The following SPMAP2 variants were observed in gnomAD, a reference collection of about 807,000 sequenced individuals.
SPMAP2 encodes the protein Theg homolog.
chr19:362,258 C>A, the SPMAP2 span: 1 of 1,584,382 alleles, frequency 6.3e-7, no homozygotes. Flanking sequence ...GGGTGGCAAG[C>A]TCATAGAGGC....
At chr19:375,775 G>C in the SPMAP2 span, 11 of 1,610,180 alleles carry the variant, frequency 6.8e-6, no homozygotes, top group Non-Finnish European at 9.3e-6. Context: ...ACCTCCTCGG[G>C]GGGAAGCTCC....
chr19:365,279 C>A, the SPMAP2 span, among the ~76,000 whole-genome samples: 2 of 152,250 alleles, frequency 1.3e-5, no homozygotes, highest in Admixed American at 1.3e-4. Context: ...CTCTGCCCGG[C>A]AGATGCCCTT....
chr19:366,970 G>A, the SPMAP2 span: 1 of 1,336,614 alleles, frequency 7.5e-7, no homozygotes, highest in Non-Finnish European at 1.0e-6. Context: ...TCATGGGGGA[G>A]AGCTTCCCTC....
At chr19:372,517 G>T in the SPMAP2 span, 1 of 1,048,604 alleles carries the variant, frequency 9.5e-7, no homozygotes, top group Non-Finnish European at 1.4e-6. Context: ...CTGAACACCA[G>T]CTGTCTAGGG....
chr19:375,010 T>C, the SPMAP2 span, among the ~76,000 whole-genome samples: 3,236 of 152,276 alleles, frequency 0.021, 118 homozygotes, highest in African/African-American at 0.073. Flanking sequence ...GGGCAGCCAC[T>C]TTGTTCTTGG....
At chr19:372,157 C>T in the SPMAP2 span, among the ~76,000 whole-genome samples, 2 of 151,784 alleles carry the variant, frequency 1.3e-5, no homozygotes. Context: ...TTCAGCTGTG[C>T]TTTCCTTCAT....
At chr19:373,761 G>A in the SPMAP2 span, among the ~76,000 whole-genome samples, 4 of 151,892 alleles carry the variant, frequency 2.6e-5, no homozygotes, top group Non-Finnish European at 5.9e-5. Context: ...CTAAGAAGAG[G>A]GCCCAGGGCC....
the SPMAP2 span, chr19:374,214 C>T: frequency 1.3e-6 from 2 of 1,573,220 alleles, no homozygotes; most frequent in Non-Finnish European, 1.7e-6. Flanking sequence ...GGGAGCCGAG[C>T]AGTGGGGACA....
the SPMAP2 span, among the ~76,000 whole-genome samples, chr19:368,885 T>TC: frequency 2.0e-5 from 3 of 152,218 alleles, no homozygotes; most frequent in Admixed American, 2.0e-4. This position sits in a 1 kb window ranked among gnomAD's most constrained non-coding sequence, Gnocchi z 4.1. Flanking sequence ...GTAGAGAGAC[T>TC]CCATTTCAGT....
At chr19:361,979 G>A in the SPMAP2 span, 1 of 397,920 alleles carries the variant, frequency 2.5e-6, no homozygotes, top group East Asian at 3.9e-5. Context: ...GAATAAGTCT[G>A]GACTGAAGAG....
the SPMAP2 span, chr19:362,286 A>T: frequency 2.5e-6 from 4 of 1,603,572 alleles, no homozygotes; most frequent in Non-Finnish European, 3.4e-6. Context: ...CGCCTGTCGT[A>T]TCCCTCGTTG....
At chr19:368,576 T>G in the SPMAP2 span, among the ~76,000 whole-genome samples, 1 of 152,132 alleles carries the variant, frequency 6.6e-6, no homozygotes, top group East Asian at 1.9e-4. This position sits in a 1 kb window ranked among gnomAD's most constrained non-coding sequence, Gnocchi z 4.1. Flanking sequence ...CTCCTGTCCA[T>G]CCATTCTTGG....
At chr19:372,606 A>G in the SPMAP2 span, 8 of 1,611,632 alleles carry the variant, frequency 5.0e-6, no homozygotes, top group Middle Eastern at 1.7e-4. Flanking sequence ...CCTTCTGAGT[A>G]GCCACCCAGC....
At chr19:362,193 G>A in the SPMAP2 span, 82 of 1,479,494 alleles carry the variant, frequency 5.5e-5, no homozygotes, top group Admixed American at 1.0e-3. Flanking sequence ...TACTGGGAGC[G>A]GAGGTCTTAG....
the SPMAP2 span, chr19:375,780 A>T: frequency 6.8e-5 from 109 of 1,609,702 alleles, no homozygotes; most frequent in Non-Finnish European, 8.3e-5. Context: ...CTCGGGGGGA[A>T]GCTCCTCTTC....
At chr19:375,760 C>T in the SPMAP2 span, 109 of 1,610,126 alleles carry the variant, frequency 6.8e-5, no homozygotes, top group South Asian at 4.4e-4. Context: ...AACTCCTCCC[C>T]GGCCACCTCC....
the SPMAP2 span, chr19:362,497 G>C: frequency 7.7e-7 from 1 of 1,302,682 alleles, no homozygotes; most frequent in Non-Finnish European, 1.1e-6. Context: ...GCTGGGCATG[G>C]GAGCTCACAC....
the SPMAP2 span, among the ~76,000 whole-genome samples, chr19:365,711 CCCA>C: frequency 6.9e-6 from 1 of 144,730 alleles, no homozygotes; most frequent in Non-Finnish European, 1.5e-5. Flanking sequence ...CACTCTTACC[CCCA>C]CCACACAGCA....
the SPMAP2 span, chr19:374,748 T>C: frequency 3.8e-5 from 11 of 288,064 alleles, no homozygotes; most frequent in African/African-American, 6.3e-5. Flanking sequence ...TGTTTACTCA[T>C]CTCACAGACA....
Sources: gnomAD v4.1 joint callset for allele counts (sites outside exome capture counted in the v4.1 genomes callset) on GRCh38, gnomAD v4.1.1 for gene constraint, Gnocchi (gnomAD v3.1) non-coding constraint, MANE v1.5 for transcripts, NCBI Gene and HGNC (gene_info 2026-07-23, HGNC 2026-07-21) for gene names.